CT45A10: variants seen among roughly 807,000 people sequenced by gnomAD.
The protein encoded by CT45A10 is cancer/testis antigen family 45 member A10.
CT45A10 carries 19 observed loss-of-function variants against 8.3 expected under a neutral mutation model. The ratio of observed to expected loss-of-function variants is 2.30; its 90% CI spans 1.61 to 3.38. The LOEUF is 3.38. Ranked by LOEUF, CT45A10 falls within the 30% of genes most tolerant of loss-of-function variation. CT45A10 has a pLI of 0.00. For synonymous variants in CT45A10, 28 were observed against 26.5 expected, an observed-to-expected ratio of 1.06 and a Z score of -0.17; for missense variants, 149 against 85.9, an observed-to-expected ratio of 1.73 and a Z score of -2.90.
intron 1 of CT45A10, among the ~76,000 whole-genome samples, chrX:135,890,348 C>T (rs368770068): frequency 3.6e-5 from 4 of 112,563 alleles, no homozygotes; most frequent in East Asian, 2.8e-4. Flanking sequence ...GAGAGCGCTC[C>T]GGGGTAGGCA....
At chrX:135,887,564 A>G (rs2088441897) in intron 1 of CT45A10, among the ~76,000 whole-genome samples, 1 of 97,944 alleles carries the variant, frequency 1.0e-5, no homozygotes, top group East Asian at 3.4e-4. Context: ...CAAACATCTC[A>G]GTAAAAGCTG....
intron 3 of CT45A10, 33 bp downstream of exon 3, chrX:135,882,975 G>T: frequency 8.4e-7 from 1 of 1,189,360 alleles, no homozygotes; most frequent in Non-Finnish European, 1.1e-6. Context: ...ACTTCCTACA[G>T]TTTTATAAAA....
chrX:135,883,262 G>T lies in CT45A10; in HGVS notation c.170-6C>A. On this transcript the variant is annotated splice_region_variant and splice_polypyrimidine_tract_variant and intron_variant, in intron 2 of 4. Transcript: ENST00000682849. ...AGCATGTCCTGTCATAAGCTCTGGTGAAACAAATTTTGAGTAAAAGCCATC... is the reference window on the plus strand; with the variant it reads ...AGCATGTCCTGTCATAAGCTCTGGTTAAACAAATTTTGAGTAAAAGCCATC... The T allele has an allele frequency of 8.4e-7, 1 of 1,196,193 alleles. No individual in the cohort carries two copies. The highest frequency in any genetic ancestry group is 1.1e-6 in the Non-Finnish European group (1 of 885,336).
Position 135,882,994 on chromosome X carries a change from C to A in CT45A10, c.418+14G>T. The stretch of plus-strand genomic sequence containing the variant: ...CCTACAGTTTTATAAAACAGACGTT[C>A]TTACACTACTTACTTCGTCCAAGGC... On this transcript the variant is annotated intron_variant, in intron 3 of 4. Transcript: ENST00000682849. 8.4e-7 allele frequency: 1 copy of A among 1,196,140 alleles called. No homozygotes were observed. The highest frequency in any genetic ancestry group is 1.1e-6 in the Non-Finnish European group (1 of 884,084).
chrX:135,888,011 C>T (rs1205540741), intron 1 of CT45A10, among the ~76,000 whole-genome samples: 6 of 110,404 alleles, frequency 5.4e-5, no homozygotes, highest in African/African-American at 9.7e-5. Flanking sequence ...ATCAACCAAC[C>T]GAGGAAAAGC....
intron 1 of CT45A10, among the ~76,000 whole-genome samples, chrX:135,892,898 T>A (rs1438045921): frequency 1.8e-5 from 2 of 109,500 alleles, no homozygotes; most frequent in African/African-American, 6.7e-5. Flanking sequence ...TGTGATCATG[T>A]GTCCAGGGCA....
chrX:135,889,628 A>C (rs2088480021), intron 1 of CT45A10, among the ~76,000 whole-genome samples: 2 of 111,180 alleles, frequency 1.8e-5, no homozygotes, highest in Admixed American at 9.5e-5. Context: ...AAGTGTCTGG[A>C]TCACCTGAGG....
intron 1 of CT45A10, among the ~76,000 whole-genome samples, chrX:135,892,739 A>T (rs1390962814): frequency 8.9e-6 from 1 of 112,311 alleles, no homozygotes; most frequent in Non-Finnish European, 1.9e-5. Context: ...CCCATCAGGG[A>T]TAAGCAGAAC....
chrX:135,892,017 C>T lies in CT45A10; in HGVS notation c.-7+1328G>A, dbSNP rs782281177. 3.8e-3 allele frequency among the ~76,000 whole-genome samples: 21 copies of T among 5,500 alleles called. 1 individual carries two copies. The South Asian group carries it at 0.24, about 62-fold the overall frequency. The allele number at this position is 5,500 out of a possible 115,157, so 4.8% of individuals were successfully genotyped here. A position where few individuals can be genotyped will look rare whatever the true frequency, so the allele number is the denominator to read the frequency against. ...CCAATAAACACATGAAAAAGTGCTC[C>T]GAAAAAAAAAAAACAATAAATAGCT... On this transcript the variant is annotated intron_variant, in intron 1 of 4. Transcript: ENST00000682849.
At position 135,882,907 on chromosome X, in the gene CT45A10, T is replaced by C. The variant is rs1348890971; in HGVS notation, c.418+101A>G. On this transcript the variant is annotated intron_variant, in intron 3 of 4. Transcript: ENST00000682849. ...CATAAATTATGTGCAGTCTCAACTC[T>C]GGCAAAGAATGAGCCTCAAGAGGTA... The C allele has an allele frequency of 4.0e-6, 4 of 1,006,522 alleles. No individual in the cohort carries two copies. The African/African-American group carries it at 7.8e-5, about 20-fold the overall frequency. The allele number at this position is 1,006,522 out of a possible 1,213,427, so 82.9% of individuals were successfully genotyped here.
chrX:135,882,879 C>A (rs2088396686), intron 3 of CT45A10, 129 bp downstream of exon 3: 13 of 749,916 alleles, frequency 1.7e-5, no homozygotes, highest in Non-Finnish European at 1.7e-5. Context: ...AAAGAGGAAC[C>A]ACCATAAATT....
At chrX:135,890,031 C>G (rs782022643) in intron 1 of CT45A10, among the ~76,000 whole-genome samples, 1 of 112,007 alleles carries the variant, frequency 8.9e-6, no homozygotes, top group South Asian at 3.7e-4. Context: ...AGTCACATTT[C>G]CCACACTTGC....
At chrX:135,891,506 C>T (rs1331114666) in intron 1 of CT45A10, among the ~76,000 whole-genome samples, 1 of 108,749 alleles carries the variant, frequency 9.2e-6, no homozygotes, top group Non-Finnish European at 1.9e-5. Flanking sequence ...GCAAACATCG[C>T]AATAAAATTT....
rs1462950287 is a variant in CT45A10, at chrX:135,883,020, A to C, written c.406T>G (p.Cys136Gly). The change falls in exon 3 of 5, where the codon TGC becomes GGC. Residue 136 changes from cysteine (C) to glycine (G), a missense_variant. Coordinates refer to ENST00000682849, the MANE Select transcript of CT45A10 (RefSeq NM_001291529.2). ...TTACACTACTTACTTCGTCCAAGGC[A>C]TCGGATTTCCTTCACTACTTGACAT... is the stretch of plus-strand genomic sequence containing the variant. ...IKCQVVKEIR[C>G]LGRKYEKIFE... 6.1e-4 allele frequency: 726 copies of C among 1,196,777 alleles called. No homozygotes were observed. The African/African-American group carries it at 0.01, about 17-fold the overall frequency.
chrX:135,889,508 A>G (rs2088478056), intron 1 of CT45A10, among the ~76,000 whole-genome samples: 1 of 110,439 alleles, frequency 9.1e-6, no homozygotes, highest in Non-Finnish European at 1.9e-5. Context: ...AAGAAAAAGA[A>G]GCAACAACAA....
At chrX:135,882,783 AC>A (rs1273569156) in intron 3 of CT45A10, among the ~76,000 whole-genome samples, 154 bp from the exon 4 acceptor site, 1 of 100,506 alleles carries the variant, frequency 9.9e-6, no homozygotes, top group Non-Finnish European at 2.0e-5. Flanking sequence ...TAAAAAAGAC[AC>A]CTGCACATAC....
chrX:135,883,798 A>G (rs1569520348), intron 2 of CT45A10, among the ~76,000 whole-genome samples: 1 of 58,385 alleles, frequency 1.7e-5, no homozygotes, highest in South Asian at 1.0e-3. Flanking sequence ...CATTACTGCT[A>G]AAAGTTCTAT....
chrX:135,882,925 A>C (rs2088397941), intron 3 of CT45A10, 83 bp downstream of exon 3: 1 of 1,104,541 alleles, frequency 9.1e-7, no homozygotes, highest in Non-Finnish European at 1.2e-6. Flanking sequence ...AATGAGCCTC[A>C]AGAGGTAACA....
At chrX:135,891,359 T>C (rs1261501063) in intron 1 of CT45A10, among the ~76,000 whole-genome samples, 4 of 108,010 alleles carry the variant, frequency 3.7e-5, no homozygotes, top group African/African-American at 1.3e-4. Flanking sequence ...ATAGGTTATA[T>C]ATAAAAATAT....
Sources: gnomAD v4.1 joint callset for allele counts (sites outside exome capture counted in the v4.1 genomes callset) on GRCh38, gnomAD v4.1.1 for gene constraint, MANE v1.5 for transcripts, NCBI Gene and HGNC (gene_info 2026-07-23, HGNC 2026-07-21) for gene names.